Variants in CALN1 observed in about 807,000 individuals in gnomAD.
The protein encoded by CALN1 is calneuron 1.
A neutral mutation model predicts 30.6 loss-of-function variants in CALN1; 17 were observed. The observed-to-expected ratio is 0.56, with a 90% CI of 0.38 to 0.83. The LOEUF (loss-of-function observed/expected upper bound fraction) is 0.83. CALN1 is among the 40% of genes least tolerant of loss of function. CALN1 has a pLI of 0.00. For missense variants in CALN1, 291 were observed against 354.9 expected (o/e 0.82, Z 1.45); for synonymous variants, 156 against 131.4 (o/e 1.19, Z -1.28).
At chr7:72,098,801 C>CAG (rs2129540496) in intron 4 of CALN1, among the ~76,000 whole-genome samples, 1 of 151,232 alleles carries the variant, frequency 6.6e-6, no homozygotes, top group African/African-American at 2.4e-5. Flanking sequence ...CACACACACA[C>CAG]AGCCAGTCCC....
intron 5 of CALN1, among the ~76,000 whole-genome samples, chr7:71,876,667 C>T (rs1321345886): frequency 6.6e-6 from 1 of 152,020 alleles, no homozygotes; most frequent in African/African-American, 2.4e-5. Context: ...CGGGTGTCCT[C>T]CCCTCCACTC....
At chr7:71,929,257 T>C (rs1584534134) in intron 5 of CALN1, among the ~76,000 whole-genome samples, 1 of 152,286 alleles carries the variant, frequency 6.6e-6, no homozygotes, top group East Asian at 1.9e-4. Flanking sequence ...CATTAGCTAT[T>C]CTTCCTGATG....
At chr7:72,290,158 CTTAAAAT>C (rs1206456522) in intron 2 of CALN1, among the ~76,000 whole-genome samples, 1 of 126,560 alleles carries the variant, frequency 7.9e-6, no homozygotes, top group East Asian at 2.4e-4. Flanking sequence ...CACAAAATCC[CTTAAAAT>C]TTAAAAGTGG....
intron 3 of CALN1, among the ~76,000 whole-genome samples, chr7:72,244,019 T>A (rs920311732): frequency 1.3e-5 from 2 of 152,200 alleles, no homozygotes; most frequent in Admixed American, 6.5e-5. Context: ...AATTCTCCCA[T>A]CCTGCTGAAT....
At chr7:72,135,690 G>A (rs747454558) in intron 3 of CALN1, among the ~76,000 whole-genome samples, 6 of 152,140 alleles carry the variant, frequency 3.9e-5, no homozygotes, top group Non-Finnish European at 8.8e-5. Context: ...TAAGATTTGG[G>A]GGATGGTAAA....
rs1029177636 is a variant in CALN1, at chr7:71,899,299, G to A, written c.502-88807C>T. 2.6e-5 allele frequency among the ~76,000 whole-genome samples: 4 copies of A among 152,048 alleles called. No homozygotes were observed. The East Asian group carries it at 7.8e-4, about 30-fold the overall frequency. ...GCTGGGATTACAGGCATGTGCCACC[G>A]TGCCTGGCGAATTTTGTATTTTTAG... is the stretch of plus-strand genomic sequence containing the variant. On this transcript the variant is annotated intron_variant, in intron 5 of 6. Coordinates refer to ENST00000395275, the MANE Select transcript of CALN1 (RefSeq NM_031468.4).
At chr7:72,111,236 C>T (rs1807554314) in intron 3 of CALN1, among the ~76,000 whole-genome samples, 1 of 152,186 alleles carries the variant, frequency 6.6e-6, no homozygotes, top group South Asian at 2.1e-4. Flanking sequence ...ACCTGTCCAA[C>T]TGTCATTGTG....
chr7:72,195,088 G>A (rs533924368), intron 3 of CALN1, among the ~76,000 whole-genome samples: 14 of 152,200 alleles, frequency 9.2e-5, no homozygotes, highest in South Asian at 4.2e-4. Flanking sequence ...TTTACAGTTC[G>A]TCATGTGAAG....
At chr7:72,284,279 A>G (rs1797922997) in intron 2 of CALN1, among the ~76,000 whole-genome samples, 1 of 152,218 alleles carries the variant, frequency 6.6e-6, no homozygotes, top group Non-Finnish European at 1.5e-5. Flanking sequence ...TGGGCAACAG[A>G]GGGAGACCTT....
intron 2 of CALN1, among the ~76,000 whole-genome samples, chr7:72,317,408 A>T (rs1425048702): frequency 6.6e-6 from 1 of 152,220 alleles, no homozygotes; most frequent in Non-Finnish European, 1.5e-5. Flanking sequence ...CATCCCACAG[A>T]GGATTTATTC....
chr7:71,899,182 C>T (rs1263365865), intron 5 of CALN1, among the ~76,000 whole-genome samples: 2 of 148,020 alleles, frequency 1.4e-5, no homozygotes, highest in African/African-American at 5.0e-5. Context: ...TTTCACTCGT[C>T]GCCCAGGCTG....
At chr7:72,198,952 A>C (rs1791226525) in intron 3 of CALN1, among the ~76,000 whole-genome samples, 1 of 152,026 alleles carries the variant, frequency 6.6e-6, no homozygotes, top group African/African-American at 2.4e-5. Context: ...TCTGTCCAGA[A>C]CCATCTGAAG....
intron 5 of CALN1, among the ~76,000 whole-genome samples, chr7:71,902,703 T>C (rs1249446955): frequency 6.6e-6 from 1 of 152,226 alleles, no homozygotes; most frequent in African/African-American, 2.4e-5. Flanking sequence ...CTTGTATGTT[T>C]ATTGCAGCAC....
chr7:72,287,584 C>T (rs1184809729), intron 2 of CALN1, among the ~76,000 whole-genome samples: 1 of 151,332 alleles, frequency 6.6e-6, no homozygotes, highest in African/African-American at 2.4e-5. Context: ...GTAGCTGGGA[C>T]TACTGGCGCC....
At chr7:72,087,155 C>G (rs544837036) in intron 4 of CALN1, among the ~76,000 whole-genome samples, 1 of 152,300 alleles carries the variant, frequency 6.6e-6, no homozygotes, top group South Asian at 2.1e-4. Context: ...AAAAGAGCGT[C>G]TGAAATAACA....
chr7:72,297,546 T>A (rs565373066), intron 2 of CALN1, among the ~76,000 whole-genome samples: 10 of 152,300 alleles, frequency 6.6e-5, no homozygotes, highest in Non-Finnish European at 1.3e-4. Context: ...GAAAGTGGAT[T>A]TTTTTAGCGA....
At chr7:72,267,784 A>G (rs539327136) in intron 3 of CALN1, among the ~76,000 whole-genome samples, 1 of 152,308 alleles carries the variant, frequency 6.6e-6, no homozygotes, top group African/African-American at 2.4e-5. Flanking sequence ...AGGAAGGAGG[A>G]TTGCTTGAGG....
chr7:72,087,373 C>T (rs957970718), intron 4 of CALN1, among the ~76,000 whole-genome samples: 29 of 152,112 alleles, frequency 1.9e-4, no homozygotes, highest in African/African-American at 6.3e-4. Flanking sequence ...CTCTACTAAA[C>T]GTACAAAAAT....
At chr7:72,122,208 T>G (rs1366856041) in intron 3 of CALN1, among the ~76,000 whole-genome samples, 1 of 152,092 alleles carries the variant, frequency 6.6e-6, no homozygotes, top group Non-Finnish European at 1.5e-5. Flanking sequence ...TACAGTTAAT[T>G]TGTCATTAGA....
Sources: gnomAD v4.1 joint callset for allele counts (sites outside exome capture counted in the v4.1 genomes callset) on GRCh38, gnomAD v4.1.1 for gene constraint, MANE v1.5 for transcripts, NCBI Gene and HGNC (gene_info 2026-07-23, HGNC 2026-07-21) for gene names.